The following TSPAN5 variants were observed in gnomAD, a reference collection of about 807,000 sequenced individuals.
The protein encoded by TSPAN5 is tetraspanin 5, also known as tetraspanin-5.
A neutral mutation model predicts 37.1 loss-of-function variants in TSPAN5; 10 were observed. The ratio of observed to expected loss-of-function variants is 0.27; its 90% CI spans 0.17 to 0.46. TSPAN5 has a LOEUF of 0.46. Among genes scored for constraint, TSPAN5 ranks in the 20% least tolerant of loss-of-function variants. The pLI, the probability that TSPAN5 is intolerant of heterozygous loss-of-function variation, is 1.00. For missense variants in TSPAN5, 195 were observed against 326.6 expected (o/e 0.60, Z 3.11); for synonymous variants, 110 against 118.9 (o/e 0.93, Z 0.48).
chr4:98,542,833 C>A (rs1020099794), intron 1 of TSPAN5, among the ~76,000 whole-genome samples: 3 of 151,900 alleles, frequency 2.0e-5, no homozygotes, highest in African/African-American at 7.3e-5. Flanking sequence ...CTGGAAAAAC[C>A]TCCCGACTTA....
intron 1 of TSPAN5, among the ~76,000 whole-genome samples, chr4:98,553,998 C>T (rs1399918166): frequency 6.6e-6 from 1 of 151,656 alleles, no homozygotes; most frequent in Non-Finnish European, 1.5e-5. Flanking sequence ...ACTGGGGAGG[C>T]GGAAGTTGCA....
rs576852948 is a variant in TSPAN5, at chr4:98,533,543, CTT to C, written c.82-25817_82-25816del. Reference sequence around the variant, plus strand: ...GGATTGGTGGTGATATCCCCTATATCTTTTTTTTTTTTTTTTTTTTTTCTTGA... The same window carrying C: ...GGATTGGTGGTGATATCCCCTATATCTTTTTTTTTTTTTTTTTTTTCTTGA... On this transcript the variant is annotated intron_variant, in intron 1 of 7. Coordinates refer to ENST00000305798, the MANE Select transcript of TSPAN5 (RefSeq NM_005723.4). 3.9e-3 allele frequency among the ~76,000 whole-genome samples: 231 copies of C among 58,580 alleles called. 3 individuals are homozygous for C. The highest frequency in any genetic ancestry group is 0.02 in the African/African-American group (215 of 11,018). The allele number at this position is 58,580 out of a possible 152,430, so 38.4% of individuals were successfully genotyped here.
At chr4:98,558,773 T>C (rs779473923) in intron 1 of TSPAN5, among the ~76,000 whole-genome samples, 1 of 152,144 alleles carries the variant, frequency 6.6e-6, no homozygotes, top group Admixed American at 6.5e-5. Context: ...TTGAAACCCA[T>C]GTGGGCAAGC....
At chr4:98,588,854 G>T (rs914094786) in intron 1 of TSPAN5, among the ~76,000 whole-genome samples, 1 of 152,142 alleles carries the variant, frequency 6.6e-6, no homozygotes, top group Non-Finnish European at 1.5e-5. Context: ...AACATCTTAC[G>T]TTTGCAGAGT....
At chr4:98,582,708 T>C (rs1036681665) in intron 1 of TSPAN5, among the ~76,000 whole-genome samples, 1 of 152,220 alleles carries the variant, frequency 6.6e-6, no homozygotes, top group African/African-American at 2.4e-5. Context: ...ATTTTCCACA[T>C]CACTGAAGTT....
At chr4:98,585,721 C>A (rs941891750) in intron 1 of TSPAN5, among the ~76,000 whole-genome samples, 1 of 152,186 alleles carries the variant, frequency 6.6e-6, no homozygotes, top group African/African-American at 2.4e-5. Flanking sequence ...AGGATAATAG[C>A]CTCCAGTTCC....
chr4:98,595,633 G>A (rs1321223051), intron 1 of TSPAN5, among the ~76,000 whole-genome samples: 2 of 134,402 alleles, frequency 1.5e-5, no homozygotes, highest in Non-Finnish European at 3.1e-5. Flanking sequence ...CTGGTATGTG[G>A]TGTCTTTGCT....
At chr4:98,599,897 A>G (rs1454060420) in intron 1 of TSPAN5, among the ~76,000 whole-genome samples, 1 of 152,228 alleles carries the variant, frequency 6.6e-6, no homozygotes, top group Non-Finnish European at 1.5e-5. Flanking sequence ...ACATTCACAT[A>G]CAAGTCTTTT....
chr4:98,522,452 C>T (rs184495014), intron 1 of TSPAN5, among the ~76,000 whole-genome samples: 6 of 152,308 alleles, frequency 3.9e-5, no homozygotes, highest in Admixed American at 2.0e-4. Context: ...CAACCATTTA[C>T]AAAAAGAATG....
chr4:98,585,918 T>C (rs1755475615), intron 1 of TSPAN5, among the ~76,000 whole-genome samples: 3 of 152,184 alleles, frequency 2.0e-5, no homozygotes, highest in Non-Finnish European at 4.4e-5. Flanking sequence ...CATATTCAGG[T>C]GGGAAGATGG....
At chr4:98,484,352 G>A (rs1752914058) in intron 3 of TSPAN5, 1 of 433,104 alleles carries the variant, frequency 2.3e-6, no homozygotes, top group Admixed American at 2.7e-5. Context: ...CAGATCTTTA[G>A]AGCTATTTGG....
chr4:98,584,642 T>C (rs1045275983), intron 1 of TSPAN5, among the ~76,000 whole-genome samples: 4 of 152,222 alleles, frequency 2.6e-5, no homozygotes, highest in Admixed American at 2.0e-4. Flanking sequence ...ATCATTTCCT[T>C]GCTAAAAGTC....
At chr4:98,613,220 C>G (rs1427176630) in intron 1 of TSPAN5, among the ~76,000 whole-genome samples, 1 of 150,874 alleles carries the variant, frequency 6.6e-6, no homozygotes, top group African/African-American at 2.4e-5. Context: ...ATTTTCCTAG[C>G]AAATTAATAT....
chr4:98,530,239 T>C (rs1307258427), intron 1 of TSPAN5, among the ~76,000 whole-genome samples: 1 of 152,184 alleles, frequency 6.6e-6, no homozygotes, highest in East Asian at 1.9e-4. Flanking sequence ...CATCCTGAAA[T>C]GGCCAGAGAT....
At chr4:98,617,470 C>CT in intron 1 of TSPAN5, among the ~76,000 whole-genome samples, 1 of 152,230 alleles carries the variant, frequency 6.6e-6, no homozygotes, top group Middle Eastern at 3.4e-3. Flanking sequence ...TCTTTGGAGG[C>CT]TAATGTCAAA....
chr4:98,629,927 C>T (rs1275419460), intron 1 of TSPAN5, among the ~76,000 whole-genome samples: 1 of 152,192 alleles, frequency 6.6e-6, no homozygotes, highest in Non-Finnish European at 1.5e-5. Context: ...AGATCCTCTG[C>T]TTATATTTGT....
chr4:98,609,367 G>A (rs1043683642), intron 1 of TSPAN5, among the ~76,000 whole-genome samples: 1 of 152,180 alleles, frequency 6.6e-6, no homozygotes. Flanking sequence ...ACTGGCTGGG[G>A]GAGAGGGCCA....
chr4:98,617,435 A>G (rs1008536884), intron 1 of TSPAN5, among the ~76,000 whole-genome samples: 1 of 152,194 alleles, frequency 6.6e-6, no homozygotes, highest in Non-Finnish European at 1.5e-5. Flanking sequence ...AGAGGATGTT[A>G]GCAAAGTCTG....
At chr4:98,608,579 C>T (rs189464575) in intron 1 of TSPAN5, among the ~76,000 whole-genome samples, 2 of 152,144 alleles carry the variant, frequency 1.3e-5, no homozygotes, top group Non-Finnish European at 2.9e-5. Context: ...GAACGAGGCC[C>T]AGGTCACCTG....
Sources: allele counts gnomAD v4.1 joint callset (sites outside exome capture counted in the v4.1 genomes callset), GRCh38; gene constraint gnomAD v4.1.1; transcripts MANE v1.5; gene names NCBI Gene and HGNC (gene_info 2026-07-23, HGNC 2026-07-21).